ACTA2: variants seen among roughly 807,000 people sequenced by gnomAD.
ACTA2 encodes actin, aortic smooth muscle.
A neutral mutation model predicts 39.5 loss-of-function variants in ACTA2; 12 were observed. That is an observed-to-expected ratio of 0.30 (90% CI 0.19 to 0.49). The LOEUF (loss-of-function observed/expected upper bound fraction) is 0.49, where lower values mean the gene tolerates loss of function less well. Ranked by LOEUF, ACTA2 falls within the 20% of genes least tolerant of loss-of-function variation. The pLI, the probability that ACTA2 is intolerant of heterozygous loss-of-function variation, is 0.99. For missense variants in ACTA2, 236 were observed against 498.8 expected (o/e 0.47, Z 5.02); for synonymous variants, 158 against 180.6 (o/e 0.88, Z 1.00).
intron 3 of ACTA2, among the ~76,000 whole-genome samples, chr10:88,945,250 T>C (rs542434002): frequency 4.1e-4 from 63 of 152,360 alleles, no homozygotes; most frequent in African/African-American, 1.4e-3. Flanking sequence ...TATTTTCCTA[T>C]TGATATTGAT....
At chr10:88,941,986 G>A (rs1169453644) in intron 4 of ACTA2, 117 bp from the exon 5 acceptor site, 6 of 894,576 alleles carry the variant, frequency 6.7e-6, no homozygotes, top group Middle Eastern at 2.2e-4. Context: ...GGCAGAGGAG[G>A]CCAAAGTAAG....
At chr10:88,963,765 T>C (rs1191795124) in intron 1 of ACTA2, among the ~76,000 whole-genome samples, 2 of 152,192 alleles carry the variant, frequency 1.3e-5, no homozygotes, top group Admixed American at 1.3e-4. Flanking sequence ...AAGTAGGTTC[T>C]GGAGTAATCA....
At chr10:88,942,021 G>A (rs186832257) in intron 4 of ACTA2, 152 bp from the exon 5 acceptor site, 20 of 710,676 alleles carry the variant, frequency 2.8e-5, no homozygotes, top group Admixed American at 6.1e-5. Context: ...CCCTGGTCAC[G>A]TTAAAGAGGA....
rs1064796603 is a variant in ACTA2, at chr10:88,948,914, T to C, written c.17A>G (p.Asp6Gly). 2 of 1,613,840 alleles carry C rather than the reference T, an allele frequency of 1.2e-6. No individual in the cohort carries two copies. The highest frequency in any genetic ancestry group is 2.7e-5 in the African/African-American group (2 of 74,992). The part of the protein sequence containing the change: MCEEE[D>G]STALVCDNGS... ...ATTGTCACACACCAAGGCAGTGCTG[T>C]CCTCTTCTTCACACATAGCTGGAGC... The change falls in exon 2 of 9, where the codon GAC becomes GGC. Residue 6 changes from aspartate (D) to glycine (G), a missense_variant. Physicochemically the swap from Asp to Gly is moderately conservative, Grantham distance 94. Coordinates refer to ENST00000224784, the MANE Select transcript of ACTA2 (RefSeq NM_001613.4).
chr10:88,956,124 T>G (rs1846134685), upstream of ACTA2, among the ~76,000 whole-genome samples: 1 of 152,194 alleles, frequency 6.6e-6, no homozygotes, highest in Non-Finnish European at 1.5e-5. Flanking sequence ...AGAGGTAAAC[T>G]CTTACCCAGA....
At chr10:88,989,770 G>A (rs1847056335) in intron 1 of ACTA2, among the ~76,000 whole-genome samples, 1 of 152,198 alleles carries the variant, frequency 6.6e-6, no homozygotes, top group South Asian at 2.1e-4. Context: ...TGGGAAGGGA[G>A]AGAGGTTGCA....
At chr10:88,962,759 C>T (rs1028261407) in intron 1 of ACTA2, among the ~76,000 whole-genome samples, 9 of 151,380 alleles carry the variant, frequency 5.9e-5, no homozygotes, top group African/African-American at 1.9e-4. Context: ...AAAGACATAA[C>T]CTGAGACTGG....
intron 1 of ACTA2, among the ~76,000 whole-genome samples, chr10:88,975,939 T>A (rs997379296): frequency 6.6e-6 from 1 of 152,184 alleles, no homozygotes; most frequent in African/African-American, 2.4e-5. Context: ...TTCTTTCCTC[T>A]TCATTTGGCT....
At chr10:88,962,845 G>C (rs1185061314) in intron 1 of ACTA2, among the ~76,000 whole-genome samples, 1 of 147,906 alleles carries the variant, frequency 6.8e-6, no homozygotes, top group East Asian at 2.1e-4. Context: ...CATGGTGGAA[G>C]GTGAAGGAAG....
At chr10:88,989,109 T>C (rs572856384) in intron 1 of ACTA2, among the ~76,000 whole-genome samples, 1 of 152,330 alleles carries the variant, frequency 6.6e-6, no homozygotes, top group East Asian at 1.9e-4. Flanking sequence ...CTTTTTTGGC[T>C]ACATTTTTTT....
chr10:88,970,561 C>T (rs1199581523), intron 1 of ACTA2, among the ~76,000 whole-genome samples: 2 of 152,160 alleles, frequency 1.3e-5, no homozygotes, highest in Non-Finnish European at 2.9e-5. Flanking sequence ...AACCAGAATA[C>T]TAAAATTGCA....
At chr10:88,978,623 C>T (rs1160209198) in intron 1 of ACTA2, among the ~76,000 whole-genome samples, 2 of 152,130 alleles carry the variant, frequency 1.3e-5, no homozygotes, top group Non-Finnish European at 2.9e-5. Flanking sequence ...CAGTCAGGCT[C>T]ATGCTGAGAG....
chr10:88,949,376 C>G (rs1479670256), intron 1 of ACTA2, among the ~76,000 whole-genome samples: 3 of 152,156 alleles, frequency 2.0e-5, no homozygotes, highest in African/African-American at 7.2e-5. Context: ...CCCAAATGCA[C>G]ATTTTTCTAG....
At chr10:88,971,390 C>T (rs1272598221) in intron 1 of ACTA2, among the ~76,000 whole-genome samples, 1 of 152,222 alleles carries the variant, frequency 6.6e-6, no homozygotes, top group Non-Finnish European at 1.5e-5. Context: ...GTGCCAATGG[C>T]ATGGAGCCAT....
chr10:88,951,998 C>T (rs1033380262), intron 1 of ACTA2, among the ~76,000 whole-genome samples: 1 of 152,160 alleles, frequency 6.6e-6, no homozygotes, highest in African/African-American at 2.4e-5. Context: ...AGATGCAAAC[C>T]AGATATCCGG....
At chr10:88,982,950 C>T (rs563338317) in intron 1 of ACTA2, among the ~76,000 whole-genome samples, 18 of 152,178 alleles carry the variant, frequency 1.2e-4, no homozygotes, top group Non-Finnish European at 2.4e-4. Context: ...TTTCCCTGAG[C>T]AAAGACTCTT....
chr10:88,978,845 A>C (rs1012426387), intron 1 of ACTA2, among the ~76,000 whole-genome samples: 3 of 152,102 alleles, frequency 2.0e-5, no homozygotes, highest in African/African-American at 7.2e-5. Flanking sequence ...AGCTATTAGA[A>C]GCAACCTTCC....
intron 1 of ACTA2, among the ~76,000 whole-genome samples, chr10:88,983,609 C>CAAAAAAA (rs71022549): frequency 2.2e-5 from 1 of 46,456 alleles, no homozygotes; most frequent in Non-Finnish European, 3.6e-5. Context: ...ACAGGTTATG[C>CAAAAAAA]AAAAAAAAAA....
At chr10:88,957,816 G>A (rs1043366327) in intron 1 of ACTA2, among the ~76,000 whole-genome samples, 1 of 152,016 alleles carries the variant, frequency 6.6e-6, no homozygotes, top group African/African-American at 2.4e-5. Flanking sequence ...CACCCAGGCT[G>A]GAGTGCAGTG....
Sources: gnomAD v4.1 joint callset for allele counts (sites outside exome capture counted in the v4.1 genomes callset) on GRCh38, gnomAD v4.1.1 for gene constraint, MANE v1.5 for transcripts, NCBI Gene and HGNC (gene_info 2026-07-23, HGNC 2026-07-21) for gene names.